Variants in TRAPPC9 observed in about 807,000 individuals in gnomAD.
TRAPPC9 encodes the protein IKK2 binding protein.
In TRAPPC9, 83 loss-of-function variants were observed where a neutral mutation model predicts 124.0. The ratio of observed to expected loss-of-function variants is 0.67; its 90% CI spans 0.56 to 0.80. The LOEUF (loss-of-function observed/expected upper bound fraction) is 0.80. Ranked by LOEUF, TRAPPC9 falls within the 30% of genes least tolerant of loss-of-function variation. The pLI is 0.00. For missense variants in TRAPPC9, 1,302 were observed against 1,508.3 expected (o/e 0.86, Z 2.27); for synonymous variants, 638 against 617.5 (o/e 1.03, Z -0.49).
At chr8:139,842,482 G>C (rs1260352315) in intron 21 of TRAPPC9, among the ~76,000 whole-genome samples, 1 of 152,202 alleles carries the variant, frequency 6.6e-6, no homozygotes, top group African/African-American at 2.4e-5. Flanking sequence ...GGCTTCGATC[G>C]CACAGACATC....
intron 17 of TRAPPC9, among the ~76,000 whole-genome samples, chr8:140,054,500 A>C (rs1587605392): frequency 6.6e-6 from 1 of 152,300 alleles, no homozygotes; most frequent in Middle Eastern, 3.4e-3. Flanking sequence ...CTACACCTTG[A>C]GGAATGAGAA....
intron 8 of TRAPPC9, among the ~76,000 whole-genome samples, chr8:140,369,336 T>C (rs888420983): frequency 6.6e-6 from 1 of 152,206 alleles, no homozygotes; most frequent in Non-Finnish European, 1.5e-5. Context: ...AGCTGTCACA[T>C]GTGAGAGGCA....
intron 17 of TRAPPC9, among the ~76,000 whole-genome samples, chr8:140,181,323 T>C (rs1199183932): frequency 2.0e-5 from 3 of 152,340 alleles, no homozygotes; most frequent in African/African-American, 7.2e-5. Context: ...TGCAGTGGTG[T>C]GATCTCAGCT....
At chr8:140,157,333 C>T (rs1176392896) in intron 17 of TRAPPC9, among the ~76,000 whole-genome samples, 1 of 100,004 alleles carries the variant, frequency 1.0e-5, no homozygotes, top group Non-Finnish European at 2.1e-5. Context: ...TCAAAAGCCT[C>T]CCTTTTCCAT....
intron 17 of TRAPPC9, among the ~76,000 whole-genome samples, chr8:140,073,667 T>G (rs1843322307): frequency 2.0e-5 from 3 of 152,230 alleles, no homozygotes; most frequent in African/African-American, 7.2e-5. Context: ...TGTTTAAATG[T>G]GTGTAGCTTT....
At chr8:140,206,523 T>C (rs1451443032) in intron 17 of TRAPPC9, among the ~76,000 whole-genome samples, 1 of 152,150 alleles carries the variant, frequency 6.6e-6, no homozygotes, top group Non-Finnish European at 1.5e-5. Context: ...ATTCAAGTTT[T>C]GATTTACAAA....
intron 5 of TRAPPC9, among the ~76,000 whole-genome samples, chr8:140,423,161 C>T (rs2070281730): frequency 6.6e-6 from 1 of 152,146 alleles, no homozygotes; most frequent in Non-Finnish European, 1.5e-5. Flanking sequence ...ACATATGGGC[C>T]AGGCACAGTG....
chr8:140,418,770 A>ATAGATAGATAGG (rs1207463901), intron 5 of TRAPPC9, among the ~76,000 whole-genome samples: 7 of 149,940 alleles, frequency 4.7e-5, no homozygotes, highest in African/African-American at 1.7e-4. Context: ...AGATAGATAG[A>ATAGATAGATAGG]TAGACAGACA....
intron 17 of TRAPPC9, among the ~76,000 whole-genome samples, chr8:140,092,830 A>T (rs1844664150): frequency 6.6e-6 from 1 of 152,242 alleles, no homozygotes; most frequent in East Asian, 1.9e-4. Flanking sequence ...CATAAGGGTT[A>T]AGAGAATGGA....
intron 13 of TRAPPC9, 130 bp from the exon 14 acceptor site, chr8:140,284,151 C>A (rs990395828): frequency 1.5e-5 from 18 of 1,208,268 alleles, no homozygotes; most frequent in Non-Finnish European, 2.2e-5. Flanking sequence ...CGGGGCCCGC[C>A]GGCGCTCACC....
chr8:140,395,770 T>C (rs2069074493), intron 7 of TRAPPC9, among the ~76,000 whole-genome samples: 1 of 152,062 alleles, frequency 6.6e-6, no homozygotes, highest in Non-Finnish European at 1.5e-5. Context: ...CTCCACCCCC[T>C]GCCCTGTCTC....
intron 17 of TRAPPC9, among the ~76,000 whole-genome samples, chr8:140,112,520 C>T (rs1182774209): frequency 6.6e-6 from 1 of 152,180 alleles, no homozygotes; most frequent in Admixed American, 6.5e-5. Flanking sequence ...TCAGAGCTCC[C>T]GACCAGTAAG....
chr8:140,198,580 A>G (rs2062717499), intron 17 of TRAPPC9, among the ~76,000 whole-genome samples: 1 of 152,192 alleles, frequency 6.6e-6, no homozygotes, highest in African/African-American at 2.4e-5. Flanking sequence ...AGTTATCCTT[A>G]AAAACTCTGC....
chr8:140,417,771 T>C (rs1269116112), intron 5 of TRAPPC9, among the ~76,000 whole-genome samples: 9 of 152,328 alleles, frequency 5.9e-5, no homozygotes, highest in Middle Eastern at 6.8e-3. Flanking sequence ...TGTATGTTTA[T>C]TGCAGCACTG....
intron 17 of TRAPPC9, among the ~76,000 whole-genome samples, chr8:140,184,459 A>T (rs896458684): frequency 2.0e-5 from 3 of 152,138 alleles, no homozygotes; most frequent in Non-Finnish European, 2.9e-5. Flanking sequence ...TTTTTGAGAC[A>T]GAATCTCACT....
chr8:139,989,014 T>C (rs1837451744), intron 18 of TRAPPC9, among the ~76,000 whole-genome samples, 178 bp from the exon 19 acceptor site: 1 of 152,182 alleles, frequency 6.6e-6, no homozygotes, highest in Admixed American at 6.5e-5. Context: ...GTGTGAACTC[T>C]AAGGAGTGGG....
At position 140,212,938 on chromosome 8, in the gene TRAPPC9, G is replaced by A. The variant is rs528544519; in HGVS notation, c.2556+8521C>T. On this transcript the variant is annotated intron_variant, in intron 17 of 22. Coordinates refer to ENST00000438773, the MANE Select transcript of TRAPPC9 (RefSeq NM_001160372.4). The stretch of plus-strand genomic sequence containing the variant: ...ATAAAAATTAGCTGGGCATGGTGGC[G>A]CACACCTGTAGTCCCAGCTACTTGG... Among the ~76,000 whole-genome samples, 27 of 151,726 alleles carry A rather than the reference G, an allele frequency of 1.8e-4. No homozygotes were observed. The East Asian group carries it at 2.7e-3, about 15-fold the overall frequency.
chr8:139,829,426 T>C (rs1179726055), intron 21 of TRAPPC9, among the ~76,000 whole-genome samples: 1 of 152,262 alleles, frequency 6.6e-6, no homozygotes, highest in African/African-American at 2.4e-5. Flanking sequence ...CCGTTCCCGT[T>C]CCACCACCTG....
intron 16 of TRAPPC9, among the ~76,000 whole-genome samples, chr8:140,243,987 G>A (rs536048612): frequency 6.6e-6 from 1 of 152,360 alleles, no homozygotes; most frequent in South Asian, 2.1e-4. Context: ...TCACAGGAGT[G>A]CAAACTCTAT....
Sources: gnomAD v4.1 joint callset for allele counts (sites outside exome capture counted in the v4.1 genomes callset) on GRCh38, gnomAD v4.1.1 for gene constraint, MANE v1.5 for transcripts, NCBI Gene and HGNC (gene_info 2026-07-23, HGNC 2026-07-21) for gene names.